CCNE2: variants seen among roughly 807,000 people sequenced by gnomAD.
CCNE2 encodes G1/S-specific cyclin-E2.
In CCNE2, 18 loss-of-function variants were observed where a neutral mutation model predicts 56.8. The observed-to-expected ratio is 0.32, with a 90% CI of 0.22 to 0.47. The LOEUF is 0.47. Ranked by LOEUF, CCNE2 falls within the 20% of genes least tolerant of loss-of-function variation. The pLI is 1.00. For synonymous variants in CCNE2, 139 were observed against 149.2 expected, an observed-to-expected ratio of 0.93 and a Z score of 0.50; for missense variants, 371 against 467.1, an observed-to-expected ratio of 0.79 and a Z score of 1.90.
intron 10 of CCNE2, 55 bp from the exon 11 acceptor site, chr8:94,882,344 C>A: frequency 7.3e-7 from 1 of 1,364,382 alleles, no homozygotes; most frequent in Non-Finnish European, 1.0e-6. Context: ...CAGAAACTAT[C>A]TTACATATGT....
chr8:94,890,216 T>C (rs771260136), intron 6 of CCNE2, among the ~76,000 whole-genome samples, 199 bp downstream of exon 6: 2 of 152,236 alleles, frequency 1.3e-5, no homozygotes, highest in Admixed American at 6.5e-5. Flanking sequence ...GGTTTAGTTA[T>C]ATGTAGTAGC....
intron 4 of CCNE2, among the ~76,000 whole-genome samples, chr8:94,893,285 C>T (rs868483247): frequency 6.7e-6 from 1 of 148,874 alleles, no homozygotes; most frequent in Non-Finnish European, 1.5e-5. Context: ...ATCACAGAAT[C>T]GTTCTCTGTA....
At position 94,892,892 on chromosome 8, in the gene CCNE2, T is replaced by C; in HGVS notation, c.243A>G (p.Thr81=). The change falls in exon 5 of 12, where the codon ACA becomes ACG. Residue 81 remains threonine, a synonymous_variant. Transcript: ENST00000308108. ...AATTTGTAAATCTGGAGAAATCACT[T>C]GTTCCTATTTCTTTGTGAGGTGTTT... ...IIETPHKEIG[T]SDFSRFTNYR... 6.5e-7 allele frequency: 1 copy of C among 1,529,470 alleles called. No homozygotes were observed. Among genetic ancestry groups the C allele is most frequent in the Non-Finnish European group, 8.8e-7 (1 of 1,135,996 alleles). The allele number at this position is 1,529,470 out of a possible 1,614,324, so 94.7% of individuals were successfully genotyped here.
intron 10 of CCNE2, 146 bp from the exon 11 acceptor site, chr8:94,882,435 T>C: frequency 1.5e-6 from 1 of 660,950 alleles, no homozygotes; most frequent in Non-Finnish European, 2.5e-6. Flanking sequence ...CAAAACAGAT[T>C]ATCACTCTCA....
intron 4 of CCNE2, chr8:94,893,511 GGGCT>G (rs1032157233): frequency 5.1e-6 from 1 of 197,128 alleles, no homozygotes; most frequent in Non-Finnish European, 1.0e-5. Flanking sequence ...AGGTACCAAA[GGGCT>G]GCGTGCCAGG....
chr8:94,884,582 G>A (rs996788043), intron 9 of CCNE2: 1 of 154,290 alleles, frequency 6.5e-6, no homozygotes, highest in Non-Finnish European at 1.4e-5. Context: ...GAGCCACAGT[G>A]CCCGGCCAGA....
chr8:94,893,695 C>T (rs1272331961), intron 4 of CCNE2, 196 bp downstream of exon 4: 2 of 600,856 alleles, frequency 3.3e-6, no homozygotes, highest in Non-Finnish European at 5.8e-6. Context: ...TGCTTGAAGG[C>T]ACTTATTCTG....
In CCNE2 at chr8:94,880,413, T is replaced by A; in HGVS notation, c.*1219A>T. On this transcript the variant is annotated 3_prime_UTR_variant, in exon 12 of 12. Coordinates refer to ENST00000308108, the MANE Select transcript of CCNE2 (RefSeq NM_057749.3). Reference sequence around the variant, plus strand: ...TACAGAAGACTTCATACCGTAACAATAAATGTATAGTTTCTTCAAAGGGAG... The same window carrying A: ...TACAGAAGACTTCATACCGTAACAAAAAATGTATAGTTTCTTCAAAGGGAG... 2 of 396,396 alleles carry A rather than the reference T, an allele frequency of 5.0e-6. No homozygotes were observed. Among genetic ancestry groups the A allele is most frequent in the East Asian group, 4.0e-5 (1 of 24,722 alleles). 24.6% of individuals were successfully genotyped at this position (396,396 alleles called of 1,614,324 possible).
chr8:94,883,166 C>G lies in CCNE2; in HGVS notation c.832-274G>C, dbSNP rs113667927. Among the ~76,000 whole-genome samples, 79 of 152,174 alleles carry G rather than the reference C, an allele frequency of 5.2e-4. 1 individual carries two copies. The highest frequency in any genetic ancestry group is 1.8e-3 in the African/African-American group (76 of 41,526). On this transcript the variant is annotated intron_variant, in intron 9 of 11. Transcript: ENST00000308108. The stretch of plus-strand genomic sequence containing the variant: ...TGGCACGCGCCTGTAGTCCCAGCTA[C>G]TCGGGAGGCTGAGGCAGGAGAATGG...
chr8:94,884,424 G>A (rs764546353), intron 9 of CCNE2, among the ~76,000 whole-genome samples: 2 of 150,710 alleles, frequency 1.3e-5, no homozygotes, highest in Non-Finnish European at 2.9e-5. Flanking sequence ...TCGGCTCACT[G>A]CAACCTCCAC....
upstream of CCNE2, chr8:94,895,806 A>C (rs946731259): frequency 7.9e-5 from 12 of 151,978 alleles, no homozygotes; most frequent in African/African-American, 2.9e-4. Flanking sequence ...AACACCACTC[A>C]GCCACGCGCC....
rs148191593 is a variant in CCNE2, at chr8:94,881,697, G to C, written c.1150C>G (p.Pro384Ala). 66 of 1,613,634 alleles carry C rather than the reference G, an allele frequency of 4.1e-5. No homozygotes were observed. The highest frequency in any genetic ancestry group is 5.5e-5 in the Non-Finnish European group (65 of 1,179,844). ...GTCATAATGCCTCCATTGCACACTGGTGACAACTGTCCCCCTTTTCTGAAG... is the reference window on the plus strand; with the variant it reads ...GTCATAATGCCTCCATTGCACACTGCTGACAACTGTCCCCCTTTTCTGAAG... The part of the protein sequence containing the change: ...NTFRKGGQLS[P>A]VCNGGIMTPP... Residue 384 changes from proline (P) to alanine (A), a missense_variant, in exon 12 of 12, where the codon CCA becomes GCA. Coordinates refer to ENST00000308108, the MANE Select transcript of CCNE2 (RefSeq NM_057749.3).
intron 8 of CCNE2, 107 bp from the exon 9 acceptor site, chr8:94,885,308 T>C (rs1816994892): frequency 8.4e-7 from 1 of 1,194,266 alleles, no homozygotes; most frequent in Non-Finnish European, 1.2e-6. Flanking sequence ...CCATAACCAT[T>C]GTCAATATTT....
chr8:94,890,155 G>C (rs983505177), intron 6 of CCNE2, among the ~76,000 whole-genome samples: 1 of 152,166 alleles, frequency 6.6e-6, no homozygotes, highest in African/African-American at 2.4e-5. Flanking sequence ...GTGGCACCCA[G>C]AAAGTGGTTG....
In CCNE2 at chr8:94,882,219, A is replaced by T. The variant is rs373155995; in HGVS notation, c.1014T>A (p.Thr338=). Residue 338 remains threonine (T), a synonymous_variant, in exon 11 of 12, where the codon ACT becomes ACA. Coordinates refer to ENST00000308108, the MANE Select transcript of CCNE2 (RefSeq NM_057749.3). ...MVPFVNVVKS[T]SPVKLKTFKK... ...TAAAAGTCTTCAGCTTCACTGGACTAGTACTTTTTACTACATTGACAAAAG... is the reference window on the plus strand; with the variant it reads ...TAAAAGTCTTCAGCTTCACTGGACTTGTACTTTTTACTACATTGACAAAAG... 2.5e-6 allele frequency: 4 copies of T among 1,612,938 alleles called. No individual in the cohort carries two copies. Among genetic ancestry groups the T allele is most frequent in the Admixed American group, 3.3e-5 (2 of 59,988 alleles).
Position 94,882,830 on chromosome 8 carries a change from A to C in CCNE2, c.894T>G (p.Ala298=). The C allele has an allele frequency of 6.2e-7, 1 of 1,614,052 alleles. No individual in the cohort carries two copies. The highest frequency in any genetic ancestry group is 2.2e-5 in the East Asian group (1 of 44,872). ...SLEFQYRILT[A]AALCHFTSIE... ...TGGAGGTAAAATGGCACAAGGCAGC[A>C]GCAGTCAGTATTCTGTACTGGAACT... The change falls in exon 10 of 12, where the codon GCT becomes GCG. Residue 298 remains alanine, a synonymous_variant. Transcript: ENST00000308108.
chr8:94,895,204 C>G (rs915358509), upstream of CCNE2: 5 of 985,830 alleles, frequency 5.1e-6, no homozygotes, highest in Non-Finnish European at 6.0e-6. Context: ...CTCGGCTCAG[C>G]TGGCGCCGGC....
At chr8:94,891,685 A>G in intron 5 of CCNE2, 6 of 542,604 alleles carry the variant, frequency 1.1e-5, no homozygotes, top group South Asian at 9.6e-5. Context: ...AAAAAACACC[A>G]TGAAGTATTT....
chr8:94,881,806 G>A lies in CCNE2; in HGVS notation c.1102-61C>T, dbSNP rs763843286. Reference sequence around the variant, plus strand: ...AATCAAAGTCAAACCAGACTTCTGGGTACTTATTTGAGATTATTTAGGCCT... The same window carrying A: ...AATCAAAGTCAAACCAGACTTCTGGATACTTATTTGAGATTATTTAGGCCT... On this transcript the variant is annotated intron_variant, in intron 11 of 11. Transcript: ENST00000308108. 174 of 1,594,904 alleles carry A rather than the reference G, an allele frequency of 1.1e-4. 1 individual carries two copies. The highest frequency in any genetic ancestry group is 1.5e-4 in the Non-Finnish European group (172 of 1,172,160).
Sources: gnomAD v4.1 joint callset for allele counts (sites outside exome capture counted in the v4.1 genomes callset) on GRCh38, gnomAD v4.1.1 for gene constraint, MANE v1.5 for transcripts, NCBI Gene and HGNC (gene_info 2026-07-23, HGNC 2026-07-21) for gene names.